The following VPS13A variants were observed in gnomAD, a reference collection of about 807,000 sequenced individuals.
VPS13A encodes the protein intermembrane lipid transfer protein VPS13A.
VPS13A carries 264 observed loss-of-function variants against 390.9 expected under a neutral mutation model. That is an observed-to-expected ratio of 0.68 (90% CI 0.61 to 0.75). VPS13A has a LOEUF of 0.75. Among genes scored for constraint, VPS13A ranks in the 30% least tolerant of loss-of-function variants. The pLI is 0.00. For synonymous variants in VPS13A, 1,231 were observed against 1,227.1 expected (o/e 1.00, Z -0.07); for missense variants, 3,409 against 3,733.9 (o/e 0.91, Z 2.27).
intron 45 of VPS13A, among the ~76,000 whole-genome samples, chr9:77,323,577 T>A (rs1829858750): frequency 6.6e-6 from 1 of 152,170 alleles, no homozygotes; most frequent in African/African-American, 2.4e-5. Flanking sequence ...TTTACAGCTT[T>A]ATTGAGGTAT....
chr9:77,233,214 TGTA>T (rs1823939766), intron 17 of VPS13A, among the ~76,000 whole-genome samples: 1 of 152,174 alleles, frequency 6.6e-6, no homozygotes, highest in Non-Finnish European at 1.5e-5. Flanking sequence ...AGTACTCTTT[TGTA>T]GTACTTTTTA....
At position 77,382,003 on chromosome 9, in the gene VPS13A, T is replaced by C. The variant is rs149474259; in HGVS notation, c.9105T>C (p.Ser3035=). The part of the protein sequence containing the change: ...KRATETSEVE[S]LRPPRFFNED... Reference sequence around the variant, plus strand: ...CTACAGAGACTTCTGAAGTGGAGAGTCTGCGACCTCCTCGGTTCTTCAATG... The same window carrying C: ...CTACAGAGACTTCTGAAGTGGAGAGCCTGCGACCTCCTCGGTTCTTCAATG... Residue 3035 remains serine, a synonymous_variant, in exon 68 of 72, where the codon AGT becomes AGC. Coordinates refer to ENST00000360280, the MANE Select transcript of VPS13A (RefSeq NM_033305.3). 1.8e-5 allele frequency: 29 copies of C among 1,607,004 alleles called. No homozygotes were observed. In the East Asian group the frequency reaches 6.1e-4, roughly 34 times the overall value.
chr9:77,395,964 A>G (rs185766506), intron 68 of VPS13A: 4 of 152,296 alleles, frequency 2.6e-5, no homozygotes, highest in African/African-American at 9.6e-5. Flanking sequence ...AACTGCTCTG[A>G]ATTATACAGT....
In VPS13A at chr9:77,347,516, G is replaced by T. The variant is rs1017618047; in HGVS notation, c.7289+2374G>T. On this transcript the variant is annotated intron_variant, in intron 52 of 71. Coordinates refer to ENST00000360280, the MANE Select transcript of VPS13A (RefSeq NM_033305.3). The stretch of plus-strand genomic sequence containing the variant: ...TTTTGAGACAGTGTCTCAATCTGTT[G>T]CCCAGGCTGGAGTGCAGTGGTGCGA... Among the ~76,000 whole-genome samples the T allele has an allele frequency of 2.0e-5, 3 of 152,052 alleles. No individual in the cohort carries two copies. In the East Asian group the frequency reaches 5.8e-4, roughly 29 times the overall value.
intron 46 of VPS13A, 140 bp downstream of exon 46, chr9:77,332,253 T>A: frequency 1.5e-6 from 1 of 646,066 alleles, no homozygotes; most frequent in Non-Finnish European, 2.8e-6. Flanking sequence ...ACTTAGATCT[T>A]AAAAAAGAAG....
At position 77,417,788 on chromosome 9, in the gene VPS13A, C is replaced by T. The variant is rs1318888412; in HGVS notation, c.*1782C>T. The T allele has an allele frequency of 1.3e-5, 2 of 152,168 alleles. No homozygotes were observed. Among genetic ancestry groups the T allele is most frequent in the African/African-American group, 4.8e-5 (2 of 41,444 alleles). The allele number at this position is 152,168 out of a possible 1,614,324, so 9.4% of individuals were successfully genotyped here. ...TACATAAATAGTAAACATAGAAATT[C>T]TTCTGGTGCCCTCTGGCAGCCAGCA... is the stretch of plus-strand genomic sequence containing the variant. On this transcript the variant is annotated 3_prime_UTR_variant, in exon 72 of 72. Coordinates refer to ENST00000360280, the MANE Select transcript of VPS13A (RefSeq NM_033305.3).
At chr9:77,195,406 G>C (rs2131088648) in intron 1 of VPS13A, among the ~76,000 whole-genome samples, 1 of 152,270 alleles carries the variant, frequency 6.6e-6, no homozygotes, top group African/African-American at 2.4e-5. Context: ...TTACAGGCGT[G>C]AGCCACCTTG....
chr9:77,287,755 A>G (rs1372172382), intron 31 of VPS13A, among the ~76,000 whole-genome samples: 1 of 152,188 alleles, frequency 6.6e-6, no homozygotes. Context: ...TGGAGGAAAG[A>G]GCAACTATAA....
At chr9:77,206,511 CTA>C (rs1825649959) in intron 5 of VPS13A, among the ~76,000 whole-genome samples, 1 of 152,144 alleles carries the variant, frequency 6.6e-6, no homozygotes, top group East Asian at 1.9e-4. Flanking sequence ...CTATTTGCCT[CTA>C]TCTGTTTATT....
intron 3 of VPS13A, among the ~76,000 whole-genome samples, chr9:77,202,164 C>T (rs1181015795): frequency 6.6e-6 from 1 of 152,034 alleles, no homozygotes; most frequent in Non-Finnish European, 1.5e-5. Context: ...TAAAGGTCTT[C>T]ATAATTATGT....
chr9:77,333,358 T>C (rs1019798763), intron 46 of VPS13A, among the ~76,000 whole-genome samples: 4 of 152,154 alleles, frequency 2.6e-5, no homozygotes, highest in Admixed American at 6.5e-5. Flanking sequence ...ATGAGAATTG[T>C]TACTGACTAA....
At chr9:77,322,077 G>A (rs888350244) in intron 44 of VPS13A, among the ~76,000 whole-genome samples, 13 of 151,690 alleles carry the variant, frequency 8.6e-5, no homozygotes, top group Non-Finnish European at 1.6e-4. Context: ...GTTTGTGGGG[G>A]TTCTTTTATT....
chr9:77,363,394 TTTTTTTTTTA>T (rs1563960731), intron 59 of VPS13A, among the ~76,000 whole-genome samples: 4 of 101,404 alleles, frequency 3.9e-5, no homozygotes, highest in Non-Finnish European at 6.0e-5. Context: ...ACATTAATTT[TTTTTTTTTTA>T]TTTTTTTTTT....
At chr9:77,388,478 A>G (rs186322922) in intron 68 of VPS13A, among the ~76,000 whole-genome samples, 48 of 152,304 alleles carry the variant, frequency 3.2e-4, no homozygotes, top group African/African-American at 9.4e-4. Context: ...TTATTTAGCA[A>G]TTATTCCATA....
At chr9:77,178,610 C>A (rs1228059337) in intron 1 of VPS13A, among the ~76,000 whole-genome samples, 1 of 152,148 alleles carries the variant, frequency 6.6e-6, no homozygotes, top group Non-Finnish European at 1.5e-5. Flanking sequence ...CTGAACAGGG[C>A]CCTACGCTGC....
At chr9:77,178,399 G>C (rs922250254) in intron 1 of VPS13A, among the ~76,000 whole-genome samples, 1 of 152,204 alleles carries the variant, frequency 6.6e-6, no homozygotes, top group African/African-American at 2.4e-5. Context: ...GCTCTCTCTC[G>C]CCTGGGTTCG....
Position 77,275,625 on chromosome 9 carries a change from A to C in VPS13A, c.2640A>C (p.Thr880=), listed in dbSNP as rs746571518. The change falls in exon 25 of 72, where the codon ACA becomes ACC. Residue 880 remains threonine (T), a synonymous_variant. Transcript: ENST00000360280. ...QKQDCSVNMT[T]FKIRFEVPKV... ...AGGATTGTTCAGTAAATATGACTAC[A>C]TTTAAAATAAGATTTGAAGTACCAA... The C allele has an allele frequency of 3.1e-6, 5 of 1,613,492 alleles. No individual in the cohort carries two copies. Among genetic ancestry groups the C allele is most frequent in the Non-Finnish European group, 3.4e-6 (4 of 1,179,686 alleles).
intron 17 of VPS13A, among the ~76,000 whole-genome samples, chr9:77,232,815 C>G (rs1035957954): frequency 5.3e-5 from 8 of 152,102 alleles, no homozygotes; most frequent in Non-Finnish European, 8.8e-5. Context: ...AGGTCTCTCC[C>G]ACGACATGGG....
chr9:77,190,778 G>A (rs551574975), intron 1 of VPS13A, among the ~76,000 whole-genome samples: 2 of 152,218 alleles, frequency 1.3e-5, no homozygotes, highest in African/African-American at 4.8e-5. Context: ...GAGGTATTCA[G>A]TTTCTTCCAG....
Sources: gnomAD v4.1 joint callset for allele counts (sites outside exome capture counted in the v4.1 genomes callset) on GRCh38, gnomAD v4.1.1 for gene constraint, MANE v1.5 for transcripts, NCBI Gene and HGNC (gene_info 2026-07-23, HGNC 2026-07-21) for gene names.